CASTOR2: variants seen among roughly 807,000 people sequenced by gnomAD.
CASTOR2 encodes the protein cytosolic arginine sensor for mTORC1 subunit 2, also known as GATS protein like 2.
CASTOR2 carries 8 observed loss-of-function variants against 31.2 expected under a neutral mutation model. The observed-to-expected ratio is 0.26, with a 90% CI of 0.15 to 0.46. The LOEUF (loss-of-function observed/expected upper bound fraction) is 0.46, where lower values mean the gene tolerates loss of function less well. Ranked by LOEUF, CASTOR2 falls within the 20% of genes least tolerant of loss-of-function variation. The probability of loss-of-function intolerance (pLI) is 0.99; values close to 1 mark genes in which losing one functional copy is unlikely to be tolerated. For missense variants in CASTOR2, 216 were observed against 382.1 expected, an observed-to-expected ratio of 0.57 and a Z score of 3.62; for synonymous variants, 162 against 158.7, an observed-to-expected ratio of 1.02 and a Z score of -0.16.
In CASTOR2 at chr7:75,027,738, CT is replaced by C; in HGVS notation, c.*3042del. 2.2e-6 allele frequency: 1 copy of C among 449,826 alleles called. No homozygotes were observed. Among genetic ancestry groups the C allele is most frequent in the Non-Finnish European group, 4.0e-6 (1 of 247,420 alleles). 27.9% of individuals were successfully genotyped at this position (449,826 alleles called of 1,614,324 possible). The stretch of plus-strand genomic sequence containing the variant: ...CCTGCTCCTCGGTCACAGGGGGCCC[CT>C]TTAGTTTTCCCATCCCCATCCTGCT... On this transcript the variant is annotated 3_prime_UTR_variant, in exon 9 of 9. Coordinates refer to ENST00000616305, the MANE Select transcript of CASTOR2 (RefSeq NM_001145064.3).
chr7:75,007,081 G>C (rs1375933462), intron 1 of CASTOR2, among the ~76,000 whole-genome samples: 4 of 152,120 alleles, frequency 2.6e-5, no homozygotes, highest in Non-Finnish European at 5.9e-5. Context: ...AAGTGGCCAG[G>C]GGTCAGTTTC....
chr7:75,020,704 T>C (rs1214436823), intron 6 of CASTOR2, among the ~76,000 whole-genome samples: 1 of 152,104 alleles, frequency 6.6e-6, no homozygotes, highest in African/African-American at 2.4e-5. Context: ...TTAGCCAAGA[T>C]GGTCTGGATC....
At chr7:75,011,819 T>A (rs1160422092) in intron 2 of CASTOR2, among the ~76,000 whole-genome samples, 3 of 148,964 alleles carry the variant, frequency 2.0e-5, no homozygotes, top group Non-Finnish European at 4.4e-5. Flanking sequence ...AATACAAAAT[T>A]AGCTGGGCGT....
At chr7:75,021,231 A>G (rs1007003870) in intron 6 of CASTOR2, among the ~76,000 whole-genome samples, 5 of 151,990 alleles carry the variant, frequency 3.3e-5, no homozygotes, top group Non-Finnish European at 5.9e-5. Context: ...ACCTCAAGTG[A>G]TTCACCCACT....
chr7:74,991,454 C>T (rs1459022947), intron 1 of CASTOR2, among the ~76,000 whole-genome samples: 43 of 152,022 alleles, frequency 2.8e-4, no homozygotes, highest in African/African-American at 1.0e-3. Context: ...AGGCCAGGAG[C>T]AGCCCCTGGC....
chr7:75,020,206 G>A, intron 6 of CASTOR2, 57 bp downstream of exon 6: 1 of 1,464,920 alleles, frequency 6.8e-7, no homozygotes, highest in Non-Finnish European at 9.3e-7. Flanking sequence ...GGTCTGGGGG[G>A]ACTATGTGAT....
In CASTOR2 at chr7:74,989,285, G is replaced by T. The variant is rs1554437078; in HGVS notation, c.114-18709G>T. On this transcript the variant is annotated intron_variant, in intron 1 of 8. Coordinates refer to ENST00000616305, the MANE Select transcript of CASTOR2 (RefSeq NM_001145064.3). Reference sequence around the variant, plus strand: ...GGCCTTTTTTTTTTTTTTGAGACAGGATCTTGCTTTGCCCAGGCTGGAATG... The same window carrying T: ...GGCCTTTTTTTTTTTTTTGAGACAGTATCTTGCTTTGCCCAGGCTGGAATG... Among the ~76,000 whole-genome samples, 254 of 147,532 alleles carry T rather than the reference G, an allele frequency of 1.7e-3. 2 individuals carry two copies. The highest frequency in any genetic ancestry group is 5.8e-3 in the African/African-American group (230 of 39,878).
At chr7:75,016,040 T>C (rs1286832190) in intron 2 of CASTOR2, among the ~76,000 whole-genome samples, 1 of 151,988 alleles carries the variant, frequency 6.6e-6, no homozygotes, top group Non-Finnish European at 1.5e-5. Context: ...TACTCCAGCC[T>C]GGGTGACAGA....
At chr7:75,012,642 T>TTTTTG (rs1397106193) in intron 2 of CASTOR2, among the ~76,000 whole-genome samples, 2 of 146,506 alleles carry the variant, frequency 1.4e-5, no homozygotes, top group African/African-American at 2.5e-5. Context: ...GTTTTTTGTT[T>TTTTTG]TTTTGTTTTG....
At chr7:75,019,802 G>A (rs1197167919) in intron 5 of CASTOR2, among the ~76,000 whole-genome samples, 1 of 152,230 alleles carries the variant, frequency 6.6e-6, no homozygotes, top group Non-Finnish European at 1.5e-5. Context: ...TGCAGGCAGG[G>A]GCCGGTGTAA....
At position 75,007,977 on chromosome 7, in the gene CASTOR2, T is replaced by C; in HGVS notation, c.114-17T>C. ...GCCTGGACTAATGAGATATTCTGTG[T>C]CTGTCCATCCATCCAGGTGCAAGTT... is the stretch of plus-strand genomic sequence containing the variant. On this transcript the variant is annotated splice_polypyrimidine_tract_variant and intron_variant, in intron 1 of 8. Transcript: ENST00000616305. 3.7e-6 allele frequency: 6 copies of C among 1,613,952 alleles called. No individual in the cohort carries two copies. The highest frequency in any genetic ancestry group is 5.1e-6 in the Non-Finnish European group (6 of 1,179,852).
At position 75,027,761 on chromosome 7, in the gene CASTOR2, T is replaced by C. The variant is rs1805178980; in HGVS notation, c.*3062T>C. On this transcript the variant is annotated 3_prime_UTR_variant, in exon 9 of 9. Coordinates refer to ENST00000616305, the MANE Select transcript of CASTOR2 (RefSeq NM_001145064.3). ...CCCTTTAGTTTTCCCATCCCCATCC[T>C]GCTCGTGTAAAGCTTGGTTTATCTT... The C allele has an allele frequency of 1.8e-5, 9 of 506,028 alleles. No individual in the cohort carries two copies. Among genetic ancestry groups the C allele is most frequent in the Non-Finnish European group, 3.2e-5 (9 of 281,440 alleles). The allele number at this position is 506,028 out of a possible 1,614,324, so 31.3% of individuals were successfully genotyped here. A position where few individuals can be genotyped will look rare whatever the true frequency, so the allele number is the denominator to read the frequency against.
chr7:75,017,542 C>G lies in CASTOR2; in HGVS notation c.185-56C>G. The G allele has an allele frequency of 1.9e-6, 3 of 1,592,940 alleles. No individual in the cohort carries two copies. The East Asian group carries it at 6.8e-5, about 36-fold the overall frequency. Reference sequence around the variant, plus strand: ...CACCTCTGGCCTGCCTTGCCCTGCCCTTGGGTCATCTGGAACCTCAGCAGT... The same window carrying G: ...CACCTCTGGCCTGCCTTGCCCTGCCGTTGGGTCATCTGGAACCTCAGCAGT... On this transcript the variant is annotated intron_variant, in intron 2 of 8. Transcript: ENST00000616305.
Position 75,030,019 on chromosome 7 carries a change from G to A in CASTOR2, c.*5320G>A, listed in dbSNP as rs1470023913. ...CAAGAAAATAACGAAAGAGGCCCCA[G>A]GGAAGGAAGCCAGCCAGGAGCAGCC... On this transcript the variant is annotated 3_prime_UTR_variant, in exon 9 of 9. Transcript: ENST00000616305. 2.0e-5 allele frequency among the ~76,000 whole-genome samples: 3 copies of A among 152,214 alleles called. No individual in the cohort carries two copies. Among genetic ancestry groups the A allele is most frequent in the African/African-American group, 4.8e-5 (2 of 41,466 alleles).
At chr7:74,994,079 CCCGTGTCAGCCGGGCCGTCCACA>C (rs1329600621) in intron 1 of CASTOR2, among the ~76,000 whole-genome samples, 3 of 152,210 alleles carry the variant, frequency 2.0e-5, no homozygotes, top group African/African-American at 7.2e-5. Context: ...GATCAAGTTA[CCCGTGTCAGCCGGGCCGTCCACA>C]ACAGGCAGCC....
intron 1 of CASTOR2, 84 bp from the exon 2 acceptor site, chr7:75,007,910 A>G: frequency 6.2e-6 from 10 of 1,605,286 alleles, no homozygotes; most frequent in South Asian, 1.1e-5. Context: ...GAACTGAGTC[A>G]TCATCCCCAG....
chr7:74,992,449 T>A (rs1305788598), intron 1 of CASTOR2, among the ~76,000 whole-genome samples: 12 of 151,282 alleles, frequency 7.9e-5, no homozygotes, highest in Admixed American at 1.3e-4. Context: ...ACGAAAAGAT[T>A]TTTTTTTTAA....
In CASTOR2 at chr7:75,028,117, T is replaced by A. The variant is rs1193500809; in HGVS notation, c.*3418T>A. The A allele has an allele frequency of 2.9e-6, 1 of 343,950 alleles. No homozygotes were observed. The highest frequency in any genetic ancestry group is 3.8e-6 in the Non-Finnish European group (1 of 261,348). 21.3% of individuals were successfully genotyped at this position (343,950 alleles called of 1,614,324 possible). A position where few individuals can be genotyped will look rare whatever the true frequency, so the allele number is the denominator to read the frequency against. ...GAAGAGGGCTCTCTATGATGTGGAA[T>A]TTTTTTTTTTTTTTTTTTGAGACGG... is the stretch of plus-strand genomic sequence containing the variant. On this transcript the variant is annotated 3_prime_UTR_variant, in exon 9 of 9. Coordinates refer to ENST00000616305, the MANE Select transcript of CASTOR2 (RefSeq NM_001145064.3).
chr7:75,006,363 T>TC lies in CASTOR2; in HGVS notation c.114-1629dup, dbSNP rs1314156324. Among the ~76,000 whole-genome samples, 72 of 152,246 alleles carry TC rather than the reference T, an allele frequency of 4.7e-4. 1 individual carries two copies. The East Asian group carries it at 6.9e-3, about 15-fold the overall frequency. ...ACTCCCACCAGCAGCATGAGAGAGT[T>TC]CCAGTGGCTCCATATCCTTGTGAAA... is the stretch of plus-strand genomic sequence containing the variant. On this transcript the variant is annotated intron_variant, in intron 1 of 8. Transcript: ENST00000616305.
Sources: allele counts gnomAD v4.1 joint callset (sites outside exome capture counted in the v4.1 genomes callset), GRCh38; gene constraint gnomAD v4.1.1; transcripts MANE v1.5; gene names NCBI Gene and HGNC (gene_info 2026-07-23, HGNC 2026-07-21).